Variants in CANT1 observed in about 807,000 individuals in gnomAD.
CANT1 encodes soluble calcium-activated nucleotidase 1.
CANT1 carries 26 observed loss-of-function variants against 30.0 expected under a neutral mutation model. The observed-to-expected ratio is 0.87, with a 90% CI of 0.64 to 1.20. The LOEUF (loss-of-function observed/expected upper bound fraction) is 1.20. CANT1 is among the 50% of genes most tolerant of loss of function. The probability of loss-of-function intolerance (pLI) is 0.00; values close to 1 mark genes in which losing one functional copy is unlikely to be tolerated. For missense variants in CANT1, 518 were observed against 563.0 expected, an observed-to-expected ratio of 0.92 and a Z score of 0.81; for synonymous variants, 246 against 251.8, an observed-to-expected ratio of 0.98 and a Z score of 0.22.
chr17:78,997,156 G>A lies in CANT1; in HGVS notation c.467C>T (p.Ser156Phe). Residue 156 changes from serine (S) to phenylalanine (F), a missense_variant, in exon 3 of 5, where the codon TCC (serine) becomes TTC (phenylalanine). Transcript: ENST00000392446. The surrounding 1 kb of genome is among the most constrained non-coding windows in gnomAD (Gnocchi z 7.5). The stretch of plus-strand genomic sequence containing the variant: ...GCCTCTCCCCTTCTCCGCCAGGTGG[G>A]ACTCCAGGACCCCATGGTCTTTGTC... ...EWDKDHGVLE[S>F]HLAEKGRGME... 1 of 1,614,134 alleles carries A rather than the reference G, an allele frequency of 6.2e-7. No individual in the cohort carries two copies. Among genetic ancestry groups the A allele is most frequent in the South Asian group, 1.1e-5 (1 of 91,084 alleles).
At chr17:79,001,847 G>C (rs889833120) in intron 1 of CANT1, among the ~76,000 whole-genome samples, 3 of 152,068 alleles carry the variant, frequency 2.0e-5, no homozygotes, top group African/African-American at 7.2e-5. Flanking sequence ...CCTAGTCTCT[G>C]AGCCTCCTCA....
rs1424718517 is a variant in CANT1, at chr17:78,995,362, C to T, written c.632-141G>A. On this transcript the variant is annotated intron_variant, in intron 3 of 4. Transcript: ENST00000392446. This position sits in a 1 kb window ranked among gnomAD's most constrained non-coding sequence, Gnocchi z 5.7. ...CCACACCTGCCTCCCCTCCGGCCCG[C>T]ACCTGGCTCCCGCCCAGGGCCGGCC... 3 of 896,140 alleles carry T rather than the reference C, an allele frequency of 3.3e-6. No individual in the cohort carries two copies. Among genetic ancestry groups the T allele is most frequent in the African/African-American group, 1.6e-5 (1 of 61,014 alleles). 55.5% of individuals were successfully genotyped at this position (896,140 alleles called of 1,614,324 possible).
Position 78,992,631 on chromosome 17 carries a change from G to C in CANT1, c.*919C>G, listed in dbSNP as rs777105575. The C allele has an allele frequency of 1.2e-4, 68 of 544,224 alleles. No individual in the cohort carries two copies. The highest frequency in any genetic ancestry group is 2.4e-4 in the Non-Finnish European group (66 of 279,186). 33.7% of individuals were successfully genotyped at this position (544,224 alleles called of 1,614,324 possible). On this transcript the variant is annotated 3_prime_UTR_variant, in exon 5 of 5. Coordinates refer to ENST00000392446, the MANE Select transcript of CANT1 (RefSeq NM_001159773.2). ...CAAGTCATTCACAGAAGTCTTGAAA[G>C]GCATGAGGATTTCTGACAGTTCCTA...
intron 1 of CANT1, among the ~76,000 whole-genome samples, chr17:79,003,865 C>A (rs77801945): frequency 0.024 from 3,563 of 148,076 alleles, 58 homozygotes; most frequent in African/African-American, 0.044. Context: ...TTGCAAGGCA[C>A]CACGGAGGCA....
chr17:79,002,648 T>A lies in CANT1; in HGVS notation c.-146-4685A>T, dbSNP rs1481309300. On this transcript the variant is annotated intron_variant, in intron 1 of 4. Coordinates refer to ENST00000392446, the MANE Select transcript of CANT1 (RefSeq NM_001159773.2). This position sits in a 1 kb window ranked among gnomAD's most constrained non-coding sequence, Gnocchi z 4.0. ...GCACCGTTGAGTGGTCGCAACAGAC[T>A]GTGGAGGCTGAAAATACTGACTCCC... Among the ~76,000 whole-genome samples, 2 of 152,204 alleles carry A rather than the reference T, an allele frequency of 1.3e-5. No individual in the cohort carries two copies. Among genetic ancestry groups the A allele is most frequent in the Non-Finnish European group, 2.9e-5 (2 of 68,040 alleles).
In CANT1 at chr17:78,995,392, G is replaced by A; in HGVS notation, c.632-171C>T. 2 of 679,134 alleles carry A rather than the reference G, an allele frequency of 2.9e-6. No homozygotes were observed. The highest frequency in any genetic ancestry group is 1.7e-5 in the South Asian group (1 of 57,338). The allele number at this position is 679,134 out of a possible 1,614,324, so 42.1% of individuals were successfully genotyped here. A position where few individuals can be genotyped will look rare whatever the true frequency, so the allele number is the denominator to read the frequency against. Reference sequence around the variant, plus strand: ...GGCTCCCGCCCAGGGCCGGCCGGCTGCCCTCCCCTCAGCTCCTGAAGGTTC... The same window carrying A: ...GGCTCCCGCCCAGGGCCGGCCGGCTACCCTCCCCTCAGCTCCTGAAGGTTC... On this transcript the variant is annotated intron_variant, in intron 3 of 4. Coordinates refer to ENST00000392446, the MANE Select transcript of CANT1 (RefSeq NM_001159773.2). This position sits in a 1 kb window ranked among gnomAD's most constrained non-coding sequence, Gnocchi z 5.7.
In CANT1 at chr17:78,995,345, G is replaced by T; in HGVS notation, c.632-124C>A. ...CTGACTCCCGCCCGGCTCCACACCT[G>T]CCTCCCCTCCGGCCCGCACCTGGCT... On this transcript the variant is annotated intron_variant, in intron 3 of 4. Coordinates refer to ENST00000392446, the MANE Select transcript of CANT1 (RefSeq NM_001159773.2). This position sits in a 1 kb window ranked among gnomAD's most constrained non-coding sequence, Gnocchi z 5.7. 9.5e-7 allele frequency: 1 copy of T among 1,050,054 alleles called. No homozygotes were observed. The highest frequency in any genetic ancestry group is 2.0e-5 in the Admixed American group (1 of 49,614). 65.0% of individuals were successfully genotyped at this position (1,050,054 alleles called of 1,614,324 possible). A position where few individuals can be genotyped will look rare whatever the true frequency, so the allele number is the denominator to read the frequency against.
At chr17:78,994,866 G>A (rs2070973552) in intron 4 of CANT1, 152 bp downstream of exon 4, 3 of 809,858 alleles carry the variant, frequency 3.7e-6, no homozygotes, top group Non-Finnish European at 3.9e-6. Context: ...GTTGCAGTGA[G>A]CTGAGATCGT....
rs2377301 is a variant in CANT1, at chr17:78,998,287, C to T, written c.-146-324G>A. ...TCTCCACTTCCTCTGGGTTAGGCTC[C>T]TGCAGCATTGGAATACCAAACACAT... On this transcript the variant is annotated intron_variant, in intron 1 of 4. Coordinates refer to ENST00000392446, the MANE Select transcript of CANT1 (RefSeq NM_001159773.2). This position sits in a 1 kb window ranked among gnomAD's most constrained non-coding sequence, Gnocchi z 4.5. 20,720 of 157,274 alleles carry T rather than the reference C, an allele frequency of 0.13. 1,761 individuals are homozygous for T. Among genetic ancestry groups the T allele is most frequent in the East Asian group, 0.29 (1,805 of 6,132 alleles). 9.7% of individuals were successfully genotyped at this position (157,274 alleles called of 1,614,324 possible).
chr17:79,006,631 C>T (rs1160609193), intron 1 of CANT1, among the ~76,000 whole-genome samples: 1 of 152,228 alleles, frequency 6.6e-6, no homozygotes, highest in Non-Finnish European at 1.5e-5. Context: ...GAGGCTGTGT[C>T]TGCTTAATTT....
chr17:78,999,890 T>C (rs1409500959), intron 1 of CANT1, among the ~76,000 whole-genome samples: 1 of 152,052 alleles, frequency 6.6e-6, no homozygotes, highest in Non-Finnish European at 1.5e-5. Flanking sequence ...TGACCTCAGG[T>C]GATCCACCTG....
Position 79,008,176 on chromosome 17 carries a change from G to C in CANT1, c.-147+1488C>G, listed in dbSNP as rs1356263502. On this transcript the variant is annotated intron_variant, in intron 1 of 4. Transcript: ENST00000392446. The surrounding 1 kb of genome is among the most constrained non-coding windows in gnomAD (Gnocchi z 4.4). ...GCCTTTCAGCAGGGGCGTGTGCTAG[G>C]ATAGAGGGCTCATTGAGGCCAGCAG... 2 of 152,308 alleles carry C rather than the reference G, an allele frequency of 1.3e-5. No individual in the cohort carries two copies. The highest frequency in any genetic ancestry group is 2.9e-5 in the Non-Finnish European group (2 of 68,162). The allele number at this position is 152,308 out of a possible 1,614,324, so 9.4% of individuals were successfully genotyped here.
chr17:79,006,889 G>A (rs773044191), intron 1 of CANT1, among the ~76,000 whole-genome samples: 14 of 152,164 alleles, frequency 9.2e-5, no homozygotes, highest in Non-Finnish European at 2.1e-4. Flanking sequence ...CTCGGCTCCC[G>A]GGACACAAAG....
In CANT1 at chr17:79,002,738, T is replaced by G. The variant is rs748652910; in HGVS notation, c.-146-4775A>C. 6.6e-6 allele frequency among the ~76,000 whole-genome samples: 1 copy of G among 152,180 alleles called. No individual in the cohort carries two copies. Among genetic ancestry groups the G allele is most frequent in the East Asian group, 1.9e-4 (1 of 5,192 alleles). On this transcript the variant is annotated intron_variant, in intron 1 of 4. Coordinates refer to ENST00000392446, the MANE Select transcript of CANT1 (RefSeq NM_001159773.2). The surrounding 1 kb of genome is among the most constrained non-coding windows in gnomAD (Gnocchi z 4.0). ...ACCCTCCACAAAACTGACAGAATAA[T>G]TTTTCCAAAAAGCAAGTCTGGATTC...
chr17:78,998,701 C>T lies in CANT1; in HGVS notation c.-146-738G>A, dbSNP rs1430970791. Among the ~76,000 whole-genome samples, 3 of 152,276 alleles carry T rather than the reference C, an allele frequency of 2.0e-5. No homozygotes were observed. Among genetic ancestry groups the T allele is most frequent in the Non-Finnish European group, 2.9e-5 (2 of 68,040 alleles). ...GTCTGCGCCGCCTTGGTGAGAGCTG[C>T]CTGTCTCTGGACAGCCGCCAAGTGC... On this transcript the variant is annotated intron_variant, in intron 1 of 4. Transcript: ENST00000392446. This position sits in a 1 kb window ranked among gnomAD's most constrained non-coding sequence, Gnocchi z 4.5.
chr17:78,996,096 T>C lies in CANT1; in HGVS notation c.632-875A>G, dbSNP rs1417075983. On this transcript the variant is annotated intron_variant, in intron 3 of 4. Coordinates refer to ENST00000392446, the MANE Select transcript of CANT1 (RefSeq NM_001159773.2). The surrounding 1 kb of genome is among the most constrained non-coding windows in gnomAD (Gnocchi z 5.1). ...ACCCTGACAAGTGCGAGGCAGGAAG[T>C]AGGCGACCAACGCCTCAGTTGATAC... Among the ~76,000 whole-genome samples the C allele has an allele frequency of 1.3e-5, 2 of 152,100 alleles. No homozygotes were observed. Among genetic ancestry groups the C allele is most frequent in the Non-Finnish European group, 2.9e-5 (2 of 68,004 alleles).
At chr17:79,007,011 A>C (rs987999174) in intron 1 of CANT1, among the ~76,000 whole-genome samples, 1 of 152,222 alleles carries the variant, frequency 6.6e-6, no homozygotes, top group African/African-American at 2.4e-5. Context: ...CACTGTCTTA[A>C]GTCTTAAGCC....
chr17:79,000,502 A>G (rs1237912613), intron 1 of CANT1, among the ~76,000 whole-genome samples: 2 of 70,270 alleles, frequency 2.8e-5, no homozygotes, highest in Non-Finnish European at 5.7e-5. Context: ...GCTGCCCCCC[A>G]CCAACATCCC....
intron 1 of CANT1, among the ~76,000 whole-genome samples, chr17:79,009,100 C>T (rs1233476391): frequency 6.6e-6 from 1 of 151,254 alleles, no homozygotes; most frequent in Non-Finnish European, 1.5e-5. Flanking sequence ...AGCGGGGAGG[C>T]GTCCCACACT....
Sources: allele counts gnomAD v4.1 joint callset (sites outside exome capture counted in the v4.1 genomes callset), GRCh38; gene constraint gnomAD v4.1.1; non-coding constraint Gnocchi (gnomAD v3.1); transcripts MANE v1.5; gene names NCBI Gene and HGNC (gene_info 2026-07-23, HGNC 2026-07-21).